PDK3: variants seen among roughly 807,000 people sequenced by gnomAD.
The protein encoded by PDK3 is pyruvate dehydrogenase kinase, isozyme 3.
Under a neutral mutation model 32.0 loss-of-function variants are expected in PDK3, and 12 were observed. The observed-to-expected ratio is 0.37, with a 90% confidence interval of 0.24 to 0.61. The LOEUF (loss-of-function observed/expected upper bound fraction) is 0.61, where lower values mean the gene tolerates loss of function less well. Among genes scored for constraint, PDK3 ranks in the 20% least tolerant of loss-of-function variants. The pLI is 0.65. For synonymous variants in PDK3, 122 were observed against 116.3 expected, an observed-to-expected ratio of 1.05 and a Z score of -0.31; for missense variants, 188 against 316.9, an observed-to-expected ratio of 0.59 and a Z score of 3.09.
downstream of PDK3, among the ~76,000 whole-genome samples, chrX:24,535,687 A>G (rs1922758626): frequency 1.8e-5 from 2 of 109,684 alleles, no homozygotes; most frequent in Non-Finnish European, 3.8e-5. Flanking sequence ...ATGAGATTAC[A>G]CTATTCATAC....
chrX:24,519,513 G>A lies in PDK3; in HGVS notation c.673+503G>A, dbSNP rs771418604. The stretch of plus-strand genomic sequence containing the variant: ...GCCTCCTGAGTAGCTGGGATTACAG[G>A]TGCCCCCCACCATGCCCAGCTAATT... On this transcript the variant is annotated intron_variant, in intron 6 of 10. Transcript: ENST00000379162. Among the ~76,000 whole-genome samples, 23 of 108,727 alleles carry A rather than the reference G, an allele frequency of 2.1e-4. 1 individual carries two copies. The highest frequency in any genetic ancestry group is 7.7e-4 in the African/African-American group (23 of 29,801). 94.4% of individuals were successfully genotyped at this position (108,727 alleles called of 115,157 possible).
At chrX:24,526,413 G>C (rs911743631) in intron 7 of PDK3, 139 bp downstream of exon 7, 1 of 424,001 alleles carries the variant, frequency 2.4e-6, no homozygotes, top group Non-Finnish European at 4.1e-6. Context: ...ATATCCTGTG[G>C]GTTTTATAAT....
chrX:24,533,000 C>T (rs758282142), intron 10 of PDK3, among the ~76,000 whole-genome samples: 2 of 111,028 alleles, frequency 1.8e-5, no homozygotes, highest in South Asian at 3.8e-4. Flanking sequence ...ATTGGAGCAC[C>T]CCAGATTTCA....
chrX:24,541,343 C>T (rs1922891106), exon 12 of PDK3, among the ~76,000 whole-genome samples: 1 of 111,188 alleles, frequency 9.0e-6, no homozygotes, highest in Non-Finnish European at 1.9e-5. Flanking sequence ...TGCCTACTGC[C>T]TGACTCTGAC....
At chrX:24,504,926 C>T in intron 4 of PDK3, among the ~76,000 whole-genome samples, 2 of 111,857 alleles carry the variant, frequency 1.8e-5, no homozygotes, top group Middle Eastern at 9.3e-3. Context: ...ATCCATGTCA[C>T]ATTGGGAGAG....
intron 5 of PDK3, among the ~76,000 whole-genome samples, chrX:24,508,184 C>T (rs753009106): frequency 2.7e-5 from 3 of 111,378 alleles, no homozygotes; most frequent in South Asian, 7.6e-4. Flanking sequence ...GAAGTAAGCA[C>T]GTCTTCACTT....
At chrX:24,519,845 T>C (rs1922351728) in intron 6 of PDK3, among the ~76,000 whole-genome samples, 1 of 112,252 alleles carries the variant, frequency 8.9e-6, no homozygotes, top group African/African-American at 3.2e-5. Context: ...AGTAAATAAG[T>C]TAATAATGGT....
chrX:24,484,642 C>T (rs1233138558), intron 1 of PDK3, among the ~76,000 whole-genome samples: 1 of 112,320 alleles, frequency 8.9e-6, no homozygotes, highest in Admixed American at 9.4e-5. Context: ...TTCGTACCCC[C>T]TTTTCCTATC....
chrX:24,498,143 C>G (rs763772883), intron 2 of PDK3, among the ~76,000 whole-genome samples: 12 of 112,363 alleles, frequency 1.1e-4, no homozygotes, highest in Non-Finnish European at 2.3e-4. Context: ...GCAGGCACTT[C>G]AGTGTCACAC....
At chrX:24,477,270 G>A (rs957165390) in intron 1 of PDK3, among the ~76,000 whole-genome samples, 5 of 111,774 alleles carry the variant, frequency 4.5e-5, no homozygotes, top group African/African-American at 1.3e-4. Context: ...GGAATGAAAA[G>A]TGCTTTTTCC....
In PDK3 at chrX:24,516,180, T is replaced by TC. The variant is rs765675505; in HGVS notation, c.596-2752dup. On this transcript the variant is annotated intron_variant, in intron 5 of 10. Transcript: ENST00000379162. ...ACTTTTCCCCCTTTGCTTCCTTCCT[T>TC]CTTTCTCTCACCTCTTGAATATTAA... 6.3e-5 allele frequency among the ~76,000 whole-genome samples: 7 copies of TC among 111,684 alleles called. No individual in the cohort carries two copies. The East Asian group carries it at 1.7e-3, about 27-fold the overall frequency.
Position 24,527,693 on chromosome X carries a change from A to G in PDK3, c.852+18A>G, listed in dbSNP as rs375780784. On this transcript the variant is annotated intron_variant, in intron 8 of 10. Coordinates refer to ENST00000379162, the MANE Select transcript of PDK3 (RefSeq NM_005391.5). ...CCATTAAGGTAACTGTTTTATGTGC[A>G]TGTATACTTTAATTATCAGTTGTGA... The G allele has an allele frequency of 1.6e-5, 14 of 866,619 alleles. No individual in the cohort carries two copies. The highest frequency in any genetic ancestry group is 2.3e-5 in the Non-Finnish European group (14 of 602,374). The allele number at this position is 866,619 out of a possible 1,213,427, so 71.4% of individuals were successfully genotyped here.
At chrX:24,545,054 T>C (rs1922968645) in exon 12 of PDK3, among the ~76,000 whole-genome samples, 1 of 112,200 alleles carries the variant, frequency 8.9e-6, no homozygotes, top group Non-Finnish European at 1.9e-5. Flanking sequence ...AGAGGACATA[T>C]GACATTTTAA....
At chrX:24,539,936 T>C (rs1189222848) in exon 12 of PDK3, 1 of 112,197 alleles carries the variant, frequency 8.9e-6, no homozygotes, top group African/African-American at 3.2e-5. Flanking sequence ...TTTTTATGCT[T>C]CTGTCAAACT....
intron 1 of PDK3, among the ~76,000 whole-genome samples, chrX:24,491,079 G>C (rs191585144): frequency 9.2e-4 from 101 of 109,790 alleles, no homozygotes; most frequent in Admixed American, 8.9e-3. Context: ...TTGGGAGGCC[G>C]AGGTGGGCGG....
At chrX:24,466,500 T>C (rs1940066171) in intron 1 of PDK3, among the ~76,000 whole-genome samples, 1 of 112,108 alleles carries the variant, frequency 8.9e-6, no homozygotes, top group African/African-American at 3.2e-5. Context: ...TCGTAGGGTG[T>C]CTGTTCATTT....
chrX:24,517,868 T>C lies in PDK3; in HGVS notation c.596-1065T>C, dbSNP rs148093431. Among the ~76,000 whole-genome samples the C allele has an allele frequency of 6.2e-5, 7 of 112,421 alleles. No individual in the cohort carries two copies. The East Asian group carries it at 1.7e-3, about 27-fold the overall frequency. ...TAACTCAAAGGACCTTTTAAAGTGA[T>C]AGTGGCATCTCCAGTAACTTAAATT... On this transcript the variant is annotated intron_variant, in intron 5 of 10. Coordinates refer to ENST00000379162, the MANE Select transcript of PDK3 (RefSeq NM_005391.5).
At chrX:24,506,319 T>C (rs925330196) in intron 5 of PDK3, among the ~76,000 whole-genome samples, 27 of 111,954 alleles carry the variant, frequency 2.4e-4, no homozygotes, top group Non-Finnish European at 3.6e-4. Context: ...ACTTTGTGGT[T>C]GATCAGAACC....
intron 6 of PDK3, among the ~76,000 whole-genome samples, chrX:24,525,145 A>C (rs1395819382): frequency 3.6e-5 from 4 of 111,916 alleles, no homozygotes; most frequent in Non-Finnish European, 7.5e-5. Context: ...CAACAGAGTG[A>C]GACTCTGTCT....
Sources: allele counts gnomAD v4.1 joint callset (sites outside exome capture counted in the v4.1 genomes callset), GRCh38; gene constraint gnomAD v4.1.1; transcripts MANE v1.5; gene names NCBI Gene and HGNC (gene_info 2026-07-23, HGNC 2026-07-21).